The following ZNF565 variants were observed in gnomAD, a reference collection of about 807,000 sequenced individuals.
ZNF565 encodes the protein zinc finger protein 565.
A neutral mutation model predicts 39.4 loss-of-function variants in ZNF565; 27 were observed. The observed-to-expected ratio is 0.69, with a 90% CI of 0.51 to 0.95. ZNF565 has a LOEUF of 0.95. ZNF565 is among the 40% of genes least tolerant of loss of function. The pLI is 0.00. For missense variants in ZNF565, 524 were observed against 621.1 expected (o/e 0.84, Z 1.66); for synonymous variants, 185 against 216.6 (o/e 0.85, Z 1.28).
At chr19:36,233,517 C>G (rs558124590) in intron 1 of ZNF565, among the ~76,000 whole-genome samples, 2 of 152,048 alleles carry the variant, frequency 1.3e-5, no homozygotes, top group East Asian at 3.9e-4. Flanking sequence ...TCAAGAGGAC[C>G]GGCCTCTTGA....
chr19:36,232,977 A>G lies in ZNF565; in HGVS notation c.55+12499T>C, dbSNP rs536096689. 7.2e-5 allele frequency among the ~76,000 whole-genome samples: 11 copies of G among 152,362 alleles called. No individual in the cohort carries two copies. The East Asian group carries it at 1.9e-3, about 27-fold the overall frequency. The stretch of plus-strand genomic sequence containing the variant: ...CTTATGTACCCCCCATGTGGATTGA[A>G]TAATTAATATTTTGCCACGCTTTTG... On this transcript the variant is annotated intron_variant, in intron 1 of 4. Transcript: ENST00000355114.
chr19:36,214,275 G>A (rs1976493160), intron 1 of ZNF565, among the ~76,000 whole-genome samples: 1 of 151,962 alleles, frequency 6.6e-6, no homozygotes, highest in Non-Finnish European at 1.5e-5. Flanking sequence ...ACACCTTGGA[G>A]ACATGAATCA....
chr19:36,221,642 T>C (rs1185849599), intron 1 of ZNF565, among the ~76,000 whole-genome samples: 2 of 152,176 alleles, frequency 1.3e-5, no homozygotes, highest in Non-Finnish European at 2.9e-5. Context: ...AGTAATGCAT[T>C]TCTGTGATTC....
intron 4 of ZNF565, among the ~76,000 whole-genome samples, chr19:36,192,838 T>C (rs963823666): frequency 6.6e-6 from 1 of 151,698 alleles, no homozygotes; most frequent in South Asian, 2.1e-4. Flanking sequence ...TTTTTTGAGA[T>C]AGACGTTCAC....
chr19:36,241,564 G>A (rs556898684), intron 1 of ZNF565, among the ~76,000 whole-genome samples: 1 of 151,852 alleles, frequency 6.6e-6, no homozygotes, highest in South Asian at 2.1e-4. Flanking sequence ...AAGCGGAGGC[G>A]GGTGGATCAC....
intron 1 of ZNF565, among the ~76,000 whole-genome samples, chr19:36,227,269 A>G (rs1434025601): frequency 3.4e-5 from 5 of 148,356 alleles, no homozygotes; most frequent in African/African-American, 1.2e-4. Flanking sequence ...CATGCCTGTA[A>G]TCCCAGCTAC....
intron 3 of ZNF565, 37 bp from the exon 4 acceptor site, chr19:36,194,365 G>T (rs768361684): frequency 1.3e-6 from 2 of 1,517,200 alleles, no homozygotes; most frequent in Non-Finnish European, 1.8e-6. Flanking sequence ...TGATCAGACC[G>T]CTCCAAAATC....
chr19:36,223,610 G>A (rs895717562), intron 1 of ZNF565, among the ~76,000 whole-genome samples: 5 of 151,956 alleles, frequency 3.3e-5, no homozygotes, highest in African/African-American at 4.8e-5. Flanking sequence ...TGATCCGCCC[G>A]CCTCGGCCCT....
chr19:36,236,180 A>G (rs1426729148), intron 1 of ZNF565: 5 of 385,252 alleles, frequency 1.3e-5, no homozygotes, highest in African/African-American at 8.4e-5. Context: ...CAGAAAATTC[A>G]TGCTGGAGAG....
chr19:36,241,443 C>T (rs937529224), intron 1 of ZNF565, among the ~76,000 whole-genome samples: 6 of 146,100 alleles, frequency 4.1e-5, no homozygotes, highest in East Asian at 2.0e-4. Context: ...GAGATCGTGC[C>T]GTTGAACTCC....
In ZNF565 at chr19:36,195,096, C is replaced by CCAGG. The variant is rs776553405; in HGVS notation, c.66_69dup (p.Glu24ProfsTer29). 3 of 1,614,036 alleles carry CCAGG rather than the reference C, an allele frequency of 1.9e-6. No homozygotes were observed. In the African/African-American group the frequency reaches 4.0e-5, roughly 22 times the overall value. The stretch of plus-strand genomic sequence containing the variant: ...CTGTACAAGTCCCTCTGAGCAGGTT[C>CCAGG]CAGGCACTTCCATTCTTCCAGAGAG... On this transcript the variant is annotated frameshift_variant, in exon 3 of 5. Coordinates refer to ENST00000304116, the MANE Select transcript of ZNF565 (RefSeq NM_152477.5). LOFTEE classifies it high-confidence loss of function.
chr19:36,237,243 A>G, intron 1 of ZNF565: 1 of 1,614,148 alleles, frequency 6.2e-7, no homozygotes, highest in Non-Finnish European at 8.5e-7. Context: ...AAGAAGCCTT[A>G]TCAGTGCAGT....
intron 1 of ZNF565, among the ~76,000 whole-genome samples, chr19:36,231,532 A>G (rs952907378): frequency 1.3e-5 from 2 of 152,204 alleles, no homozygotes; most frequent in African/African-American, 4.8e-5. Flanking sequence ...ATAATTAACT[A>G]TAATATCAAT....
intron 1 of ZNF565, among the ~76,000 whole-genome samples, chr19:36,203,056 T>C (rs958793794): frequency 1.3e-5 from 2 of 151,928 alleles, no homozygotes; most frequent in African/African-American, 4.8e-5. Flanking sequence ...ACTAGACAGC[T>C]GGGCACGGTG....
chr19:36,216,564 A>G (rs1367245907), upstream of ZNF565, among the ~76,000 whole-genome samples: 2 of 152,168 alleles, frequency 1.3e-5, no homozygotes, highest in Non-Finnish European at 2.9e-5. Context: ...AGGCTGAGGC[A>G]GGAAAATCGC....
intron 1 of ZNF565, chr19:36,236,632 C>T (rs1376021567): frequency 6.2e-7 from 1 of 1,613,996 alleles, no homozygotes; most frequent in Non-Finnish European, 8.5e-7. Context: ...AACATCAGAA[C>T]ACCCATACTG....
chr19:36,239,294 C>T (rs537553530), intron 1 of ZNF565, among the ~76,000 whole-genome samples: 2 of 151,618 alleles, frequency 1.3e-5, no homozygotes, highest in South Asian at 2.1e-4. Context: ...CCATGGGAAA[C>T]GTGTGCATTA....
At chr19:36,190,529 T>C (rs1975493365) in intron 4 of ZNF565, among the ~76,000 whole-genome samples, 1 of 145,904 alleles carries the variant, frequency 6.9e-6, no homozygotes, top group African/African-American at 2.6e-5. Context: ...TGAGCGGAGA[T>C]CTCGCCATTG....
At chr19:36,192,810 G>C (rs1004901284) in intron 4 of ZNF565, among the ~76,000 whole-genome samples, 1 of 149,262 alleles carries the variant, frequency 6.7e-6, no homozygotes, top group African/African-American at 2.5e-5. Context: ...CCAATAAAAT[G>C]GTTTTTTTTT....
Sources: allele counts gnomAD v4.1 joint callset (sites outside exome capture counted in the v4.1 genomes callset), GRCh38; gene constraint gnomAD v4.1.1; transcripts MANE v1.5; gene names NCBI Gene and HGNC (gene_info 2026-07-23, HGNC 2026-07-21).